HTR1F: variants seen among roughly 807,000 people sequenced by gnomAD.
The protein encoded by HTR1F is 5-hydroxytryptamine (serotonin) receptor 1F, G protein-coupled.
HTR1F carries 17 observed loss-of-function variants against 24.0 expected under a neutral mutation model. The observed-to-expected ratio is 0.71, with a 90% CI of 0.48 to 1.06. HTR1F has a LOEUF of 1.06. Ranked by LOEUF, HTR1F falls within the 50% of genes least tolerant of loss-of-function variation. The pLI, the probability that HTR1F is intolerant of heterozygous loss-of-function variation, is 0.00. For missense variants in HTR1F, 391 were observed against 427.8 expected (o/e 0.91, Z 0.76); for synonymous variants, 186 against 156.8 (o/e 1.19, Z -1.39).
At chr3:87,808,551 T>C (rs546134220) in intron 1 of HTR1F, among the ~76,000 whole-genome samples, 1 of 151,956 alleles carries the variant, frequency 6.6e-6, no homozygotes, top group Admixed American at 6.6e-5. Flanking sequence ...TTTGATTATC[T>C]TTACAAAACA....
At chr3:87,931,747 G>C (rs932034934) in intron 2 of HTR1F, among the ~76,000 whole-genome samples, 7 of 151,690 alleles carry the variant, frequency 4.6e-5, no homozygotes, top group African/African-American at 1.7e-4. Flanking sequence ...ATTCTAACTG[G>C]TGTGAGATGG....
At chr3:87,922,832 G>A (rs1361629750) in intron 2 of HTR1F, among the ~76,000 whole-genome samples, 1 of 149,364 alleles carries the variant, frequency 6.7e-6, no homozygotes, top group Non-Finnish European at 1.5e-5. Flanking sequence ...CTGTAAATCT[G>A]TGGATTTATT....
At chr3:87,829,397 G>A (rs532747918) in intron 2 of HTR1F, among the ~76,000 whole-genome samples, 5 of 152,288 alleles carry the variant, frequency 3.3e-5, no homozygotes, top group South Asian at 2.1e-4. Context: ...AAGCATATGC[G>A]ATATGCACAA....
At chr3:87,841,301 A>G (rs970543626) in intron 2 of HTR1F, among the ~76,000 whole-genome samples, 1 of 151,928 alleles carries the variant, frequency 6.6e-6, no homozygotes, top group Non-Finnish European at 1.5e-5. Flanking sequence ...AATAAAAAAT[A>G]GAGTCTCTTG....
At chr3:87,869,108 T>TATCA (rs1705489493) in intron 2 of HTR1F, among the ~76,000 whole-genome samples, 1 of 151,992 alleles carries the variant, frequency 6.6e-6, no homozygotes, top group African/African-American at 2.4e-5. Flanking sequence ...ACTTTATTGT[T>TATCA]ATCACAACCT....
chr3:87,812,958 T>A (rs1333859655), intron 1 of HTR1F, among the ~76,000 whole-genome samples: 4 of 152,234 alleles, frequency 2.6e-5, no homozygotes, highest in African/African-American at 7.2e-5. Flanking sequence ...TTTCAGAGGA[T>A]TTATAGCAAT....
chr3:87,961,921 A>G (rs563883433), intron 2 of HTR1F, among the ~76,000 whole-genome samples: 2 of 152,186 alleles, frequency 1.3e-5, no homozygotes, highest in East Asian at 1.9e-4. Context: ...CAAACAATAC[A>G]TATTTTTGTC....
intron 2 of HTR1F, among the ~76,000 whole-genome samples, chr3:87,871,579 G>T (rs1467177737): frequency 6.6e-6 from 1 of 152,014 alleles, no homozygotes; most frequent in Non-Finnish European, 1.5e-5. Context: ...AAACTAGGGT[G>T]AATCCACAGA....
intron 2 of HTR1F, among the ~76,000 whole-genome samples, chr3:87,982,402 A>T (rs896083973): frequency 6.6e-6 from 1 of 152,258 alleles, no homozygotes; most frequent in Non-Finnish European, 1.5e-5. Context: ...AGAATTATGC[A>T]TATGACATTT....
At chr3:87,853,508 G>T (rs1288483108) in intron 2 of HTR1F, among the ~76,000 whole-genome samples, 1 of 152,014 alleles carries the variant, frequency 6.6e-6, no homozygotes, top group Non-Finnish European at 1.5e-5. Context: ...CATTGCTATT[G>T]TTAATAGTGC....
At chr3:87,941,360 C>T (rs1308207687) in intron 2 of HTR1F, among the ~76,000 whole-genome samples, 2 of 152,190 alleles carry the variant, frequency 1.3e-5, no homozygotes, top group Non-Finnish European at 2.9e-5. Context: ...GGATACGATC[C>T]TCACGGAGGG....
intron 2 of HTR1F, among the ~76,000 whole-genome samples, chr3:87,945,488 G>C (rs984690150): frequency 1.9e-4 from 29 of 152,308 alleles, no homozygotes; most frequent in Middle Eastern, 3.4e-3. Flanking sequence ...GAAAGGTAGG[G>C]GCGCACACAT....
chr3:87,869,303 C>T (rs1705493697), intron 2 of HTR1F, among the ~76,000 whole-genome samples: 1 of 151,772 alleles, frequency 6.6e-6, no homozygotes, highest in Non-Finnish European at 1.5e-5. Flanking sequence ...TATTTGAAAG[C>T]TCTCCATACC....
intron 2 of HTR1F, among the ~76,000 whole-genome samples, chr3:87,954,790 T>C (rs1704909355): frequency 1.3e-5 from 2 of 151,622 alleles, no homozygotes; most frequent in Non-Finnish European, 3.0e-5. Context: ...TTATCATCTA[T>C]CACAGCAAAA....
At chr3:87,840,518 G>A (rs28786223) in intron 2 of HTR1F, among the ~76,000 whole-genome samples, 12,713 of 152,082 alleles carry the variant, frequency 0.084, 1,726 homozygotes, top group African/African-American at 0.28. Context: ...AATTAGCACA[G>A]CCATTCTGGA....
At chr3:87,962,450 T>C (rs1251197069) in intron 2 of HTR1F, among the ~76,000 whole-genome samples, 2 of 151,984 alleles carry the variant, frequency 1.3e-5, no homozygotes, top group African/African-American at 4.8e-5. Flanking sequence ...CGAGAGAAAT[T>C]TATGCACAAC....
At chr3:87,921,804 A>G (rs1704018674) in intron 2 of HTR1F, among the ~76,000 whole-genome samples, 1 of 151,952 alleles carries the variant, frequency 6.6e-6, no homozygotes, top group South Asian at 2.1e-4. Context: ...TAGAAATATT[A>G]AGTGAAAACA....
intron 2 of HTR1F, among the ~76,000 whole-genome samples, chr3:87,899,910 G>C (rs996314542): frequency 1.3e-5 from 2 of 152,030 alleles, no homozygotes; most frequent in Non-Finnish European, 2.9e-5. Context: ...TTATGTGTGG[G>C]GAATGCATCA....
intron 2 of HTR1F, among the ~76,000 whole-genome samples, chr3:87,858,384 G>T (rs1262545058): frequency 6.6e-6 from 1 of 152,156 alleles, no homozygotes; most frequent in African/African-American, 2.4e-5. Context: ...CTCAGCCATC[G>T]TGTTACATTG....
Sources: allele counts gnomAD v4.1 joint callset (sites outside exome capture counted in the v4.1 genomes callset), GRCh38; gene constraint gnomAD v4.1.1; transcripts MANE v1.5; gene names NCBI Gene and HGNC (gene_info 2026-07-23, HGNC 2026-07-21).